MTA3: variants seen among roughly 807,000 people sequenced by gnomAD.
MTA3 encodes the protein metastasis associated 1 family member 3, also known as metastasis-associated protein MTA3.
MTA3 carries 34 observed loss-of-function variants against 83.5 expected under a neutral mutation model. The ratio of observed to expected loss-of-function variants is 0.41; its 90% CI spans 0.31 to 0.54. The LOEUF is 0.54. MTA3 is among the 20% of genes least tolerant of loss of function. The probability of loss-of-function intolerance (pLI) is 0.33; values close to 1 mark genes in which losing one functional copy is unlikely to be tolerated. For missense variants in MTA3, 761 were observed against 726.4 expected, an observed-to-expected ratio of 1.05 and a Z score of -0.55; for synonymous variants, 303 against 252.7, an observed-to-expected ratio of 1.20 and a Z score of -1.89.
chr2:42,687,525 A>G (rs59121190), intron 9 of MTA3, among the ~76,000 whole-genome samples: 3,327 of 152,296 alleles, frequency 0.022, 126 homozygotes, highest in African/African-American at 0.076. Flanking sequence ...AACATTTTGC[A>G]TGCTAGTTTT....
At position 42,754,374 on chromosome 2, in the gene MTA3, C is replaced by T; in HGVS notation, c.*975C>T. Reference sequence around the variant, plus strand: ...TGAGTCTGTGTGGCCAACCCCATGACCCCCACCCCTCCAGCCCAACATCTT... The same window carrying T: ...TGAGTCTGTGTGGCCAACCCCATGATCCCCACCCCTCCAGCCCAACATCTT... On this transcript the variant is annotated 3_prime_UTR_variant, in exon 17 of 17. Transcript: ENST00000405094. The T allele has an allele frequency of 1.0e-6, 1 of 985,504 alleles. No individual in the cohort carries two copies. Among genetic ancestry groups the T allele is most frequent in the Non-Finnish European group, 1.2e-6 (1 of 830,026 alleles). The allele number at this position is 985,504 out of a possible 1,614,324, so 61.0% of individuals were successfully genotyped here.
intron 3 of MTA3, among the ~76,000 whole-genome samples, chr2:42,581,420 A>C (rs1416494065): frequency 8.1e-6 from 1 of 123,206 alleles, no homozygotes; most frequent in Non-Finnish European, 1.6e-5. Context: ...CCCAGGCTGG[A>C]GTGCAGTGGC....
chr2:42,722,771 C>T, intron 15 of MTA3, 118 bp from the exon 16 acceptor site: 3 of 1,214,026 alleles, frequency 2.5e-6, no homozygotes, highest in South Asian at 3.1e-5. Flanking sequence ...TTGGCTGGCT[C>T]AGGAGGAACT....
At chr2:42,660,491 T>A (rs1689589240) in intron 8 of MTA3, among the ~76,000 whole-genome samples, 1 of 152,222 alleles carries the variant, frequency 6.6e-6, no homozygotes, top group Non-Finnish European at 1.5e-5. Context: ...ATATTCAGTT[T>A]AATTTTACCA....
At chr2:42,541,135 G>A (rs1306423911) in intron 2 of MTA3, among the ~76,000 whole-genome samples, 1 of 151,754 alleles carries the variant, frequency 6.6e-6, no homozygotes, top group Non-Finnish European at 1.5e-5. Flanking sequence ...AGGTTCAAGT[G>A]ATTCTCCTGC....
chr2:42,706,320 T>G (rs978802622), intron 12 of MTA3, among the ~76,000 whole-genome samples: 1 of 152,146 alleles, frequency 6.6e-6, no homozygotes, highest in African/African-American at 2.4e-5. Flanking sequence ...TAGTTCTAAA[T>G]TATAGGAGGA....
intron 4 of MTA3, among the ~76,000 whole-genome samples, chr2:42,619,754 T>A (rs1685323497): frequency 6.6e-6 from 1 of 152,220 alleles, no homozygotes; most frequent in African/African-American, 2.4e-5. Flanking sequence ...CCAAGACTTT[T>A]TCCGAGGGTT....
intron 2 of MTA3, among the ~76,000 whole-genome samples, chr2:42,499,060 T>A (rs922597540): frequency 2.6e-5 from 4 of 152,192 alleles, no homozygotes; most frequent in Admixed American, 2.6e-4. Flanking sequence ...TCAAAGGGTA[T>A]GAAGTTTCAG....
chr2:42,754,583 G>A lies in MTA3; in HGVS notation c.*1184G>A, dbSNP rs1321781534. On this transcript the variant is annotated 3_prime_UTR_variant, in exon 17 of 17. Coordinates refer to ENST00000405094, the MANE Select transcript of MTA3 (RefSeq NM_001330442.2). ...ATAGGAATAGCTCAGCGCCCGATGA[G>A]CTCCCTGAGCAGATGTGAGGCTGGC... 3.0e-6 allele frequency: 3 copies of A among 985,478 alleles called. No individual in the cohort carries two copies. Among genetic ancestry groups the A allele is most frequent in the African/African-American group, 1.7e-5 (1 of 57,356 alleles). 61.0% of individuals were successfully genotyped at this position (985,478 alleles called of 1,614,324 possible).
intron 3 of MTA3, among the ~76,000 whole-genome samples, chr2:42,589,023 G>A (rs991360825): frequency 6.6e-5 from 10 of 152,204 alleles, no homozygotes; most frequent in African/African-American, 2.4e-4. Flanking sequence ...CCTGATTGTG[G>A]AGGCCAATCT....
intron 3 of MTA3, among the ~76,000 whole-genome samples, chr2:42,597,822 AGTTGTG>A (rs2103979247): frequency 6.8e-6 from 1 of 146,880 alleles, no homozygotes; most frequent in South Asian, 2.2e-4. Context: ...CTGGGACTAC[AGTTGTG>A]TGTCATCGTG....
At position 42,579,307 on chromosome 2, in the gene MTA3, C is replaced by A; in HGVS notation, c.190+107C>A. On this transcript the variant is annotated intron_variant, in intron 3 of 16. Coordinates refer to ENST00000405094, the MANE Select transcript of MTA3 (RefSeq NM_001330442.2). Reference sequence around the variant, plus strand: ...TGAAGTCTTTTGCTTGTCCATTTATCTTCTTTGTAGTTTTGATGGGAGTAA... The same window carrying A: ...TGAAGTCTTTTGCTTGTCCATTTATATTCTTTGTAGTTTTGATGGGAGTAA... 3 of 799,000 alleles carry A rather than the reference C, an allele frequency of 3.8e-6. No individual in the cohort carries two copies. The South Asian group carries it at 5.6e-5, about 15-fold the overall frequency. The allele number at this position is 799,000 out of a possible 1,614,324, so 49.5% of individuals were successfully genotyped here.
rs536069690 is a variant in MTA3, at chr2:42,570,629, C to G, written c.96+125C>G. 13 of 481,296 alleles carry G rather than the reference C, an allele frequency of 2.7e-5. No individual in the cohort carries two copies. The Admixed American group carries it at 2.9e-4, about 11-fold the overall frequency. The allele number at this position is 481,296 out of a possible 1,614,324, so 29.8% of individuals were successfully genotyped here. On this transcript the variant is annotated intron_variant, in intron 2 of 16. Coordinates refer to ENST00000405094, the MANE Select transcript of MTA3 (RefSeq NM_001330442.2). ...AATCCCAGTAAATTGGGAGGCCTGG[C>G]GAGTGGATAGCTTGAGCCCAGGAGT... is the stretch of plus-strand genomic sequence containing the variant.
intron 2 of MTA3, among the ~76,000 whole-genome samples, chr2:42,573,401 A>T (rs902338770): frequency 2.6e-5 from 4 of 152,148 alleles, no homozygotes; most frequent in Non-Finnish European, 4.4e-5. Context: ...GCTGGAGTTC[A>T]TTGGTATGAT....
chr2:42,713,732 C>T (rs1666811235), intron 14 of MTA3, among the ~76,000 whole-genome samples: 1 of 152,182 alleles, frequency 6.6e-6, no homozygotes, highest in African/African-American at 2.4e-5. Flanking sequence ...TTTTACTTAA[C>T]ATACCGTGCC....
In MTA3 at chr2:42,602,509, T is replaced by G. The variant is rs932764747; in HGVS notation, c.191-6949T>G. On this transcript the variant is annotated intron_variant, in intron 3 of 16. Coordinates refer to ENST00000405094, the MANE Select transcript of MTA3 (RefSeq NM_001330442.2). ...CAGATTCCCAAAGTGGTTGGACCAA[T>G]TTTTCACTTCCTCTGTTAATGTATG... 2.0e-5 allele frequency among the ~76,000 whole-genome samples: 3 copies of G among 152,208 alleles called. 1 individual carries two copies. Among genetic ancestry groups the G allele is most frequent in the Admixed American group, 2.0e-4 (3 of 15,280 alleles).
chr2:42,638,817 GA>G (rs1208896494), intron 4 of MTA3, among the ~76,000 whole-genome samples: 1 of 151,482 alleles, frequency 6.6e-6, no homozygotes, highest in African/African-American at 2.4e-5. Context: ...GGATAGTGTG[GA>G]AATACCACAT....
At chr2:42,666,172 G>A (rs1232716009) in intron 8 of MTA3, among the ~76,000 whole-genome samples, 2 of 152,164 alleles carry the variant, frequency 1.3e-5, no homozygotes, top group African/African-American at 4.8e-5. Flanking sequence ...AGCTACTCGG[G>A]AGGCTGAGGC....
chr2:42,544,084 G>A (rs1676646269), intron 2 of MTA3, among the ~76,000 whole-genome samples: 1 of 152,056 alleles, frequency 6.6e-6, no homozygotes, highest in Non-Finnish European at 1.5e-5. Flanking sequence ...TCGCCTGCAA[G>A]GACAAACTCC....
Sources: allele counts gnomAD v4.1 joint callset (sites outside exome capture counted in the v4.1 genomes callset), GRCh38; gene constraint gnomAD v4.1.1; transcripts MANE v1.5; gene names NCBI Gene and HGNC (gene_info 2026-07-23, HGNC 2026-07-21).